NAALADL2: variants seen among roughly 807,000 people sequenced by gnomAD.
The protein encoded by NAALADL2 is inactive N-acetylated-alpha-linked acidic dipeptidase-like protein 2.
NAALADL2 carries 76 observed loss-of-function variants against 87.2 expected under a neutral mutation model. The ratio of observed to expected loss-of-function variants is 0.87; its 90% CI spans 0.72 to 1.05. NAALADL2 has a LOEUF of 1.05. NAALADL2 is among the 50% of genes least tolerant of loss of function. NAALADL2 has a pLI of 0.00. For missense variants in NAALADL2, 1,089 were observed against 945.8 expected, an observed-to-expected ratio of 1.15 and a Z score of -1.99; for synonymous variants, 354 against 331.0, an observed-to-expected ratio of 1.07 and a Z score of -0.75.
rs188500765 is a variant in NAALADL2, at chr3:174,454,047, G to C, written c.-184+13015G>C. 2.0e-4 allele frequency among the ~76,000 whole-genome samples: 31 copies of C among 152,202 alleles called. No homozygotes were observed. In the East Asian group the frequency reaches 5.6e-3, roughly 27 times the overall value. ...TGACACCCACAGGCTTAAAATAAAGGGATGGAGAGAAATCTTCAAGCAAAT... is the reference window on the plus strand; with the variant it reads ...TGACACCCACAGGCTTAAAATAAAGCGATGGAGAGAAATCTTCAAGCAAAT... On this transcript the variant is annotated intron_variant, in intron 1 of 3. Coordinates refer to the NAALADL2 transcript ENST00000434257.
At chr3:174,446,197 A>C (rs1715036930) in intron 1 of NAALADL2, among the ~76,000 whole-genome samples, 1 of 152,142 alleles carries the variant, frequency 6.6e-6, no homozygotes, top group Admixed American at 6.5e-5. Flanking sequence ...TCTGGGTATT[A>C]ATTACCAAGG....
intron 2 of NAALADL2, among the ~76,000 whole-genome samples, chr3:175,146,800 C>G (rs1730812094): frequency 6.6e-6 from 1 of 151,026 alleles, no homozygotes; most frequent in Non-Finnish European, 1.5e-5. Context: ...TAACTTTTCT[C>G]TTTTTGAAAA....
At chr3:174,793,842 G>A (rs1477811039) in intron 3 of NAALADL2, among the ~76,000 whole-genome samples, 2 of 149,918 alleles carry the variant, frequency 1.3e-5, no homozygotes, top group Non-Finnish European at 3.0e-5. Context: ...CATCACATAA[G>A]ACACTAACTG....
intron 3 of NAALADL2, among the ~76,000 whole-genome samples, chr3:174,826,070 CAACA>C (rs1325808166): frequency 6.6e-6 from 1 of 151,762 alleles, no homozygotes; most frequent in Non-Finnish European, 1.5e-5. Context: ...ACAACAACAA[CAACA>C]ATCAAACAAA....
chr3:174,963,328 G>T (rs183273775), intron 1 of NAALADL2, among the ~76,000 whole-genome samples: 3 of 152,058 alleles, frequency 2.0e-5, no homozygotes, highest in African/African-American at 7.2e-5. Context: ...CATACCTGTG[G>T]TTATTTAAAA....
intron 11 of NAALADL2, among the ~76,000 whole-genome samples, chr3:175,663,341 T>A (rs954722314): frequency 4.6e-5 from 7 of 151,854 alleles, no homozygotes; most frequent in Non-Finnish European, 4.4e-5. Context: ...CATATAATAG[T>A]CCAATTTGTT....
chr3:174,716,663 C>T (rs1472988117), intron 2 of NAALADL2, among the ~76,000 whole-genome samples: 1 of 151,788 alleles, frequency 6.6e-6, no homozygotes, highest in African/African-American at 2.4e-5. Context: ...TAGACCCTGT[C>T]TCAGTTCCAT....
intron 9 of NAALADL2, among the ~76,000 whole-genome samples, chr3:175,534,406 G>T (rs1403039050): frequency 6.6e-6 from 1 of 152,198 alleles, no homozygotes; most frequent in Non-Finnish European, 1.5e-5. Context: ...GATGTTCAAA[G>T]GCAGGAAGCA....
chr3:174,619,413 C>G (rs1720785884), intron 2 of NAALADL2, among the ~76,000 whole-genome samples: 1 of 151,910 alleles, frequency 6.6e-6, no homozygotes, highest in African/African-American at 2.4e-5. Flanking sequence ...CTGAGATCCT[C>G]TATGCCAACA....
intron 1 of NAALADL2, among the ~76,000 whole-genome samples, chr3:174,498,013 T>C (rs1482135741): frequency 6.6e-6 from 1 of 152,144 alleles, no homozygotes; most frequent in African/African-American, 2.4e-5. Context: ...ATTTCTGTTT[T>C]TTCAATTTTT....
chr3:175,764,791 G>A (rs963767998), intron 13 of NAALADL2, among the ~76,000 whole-genome samples: 1 of 152,014 alleles, frequency 6.6e-6, no homozygotes, highest in Non-Finnish European at 1.5e-5. Context: ...TACATATTCA[G>A]TACATACATA....
At chr3:175,399,886 G>A (rs1770339088) in intron 5 of NAALADL2, among the ~76,000 whole-genome samples, 1 of 152,016 alleles carries the variant, frequency 6.6e-6, no homozygotes, top group Non-Finnish European at 1.5e-5. Context: ...TGGTGTATCT[G>A]TTCATTTTCC....
chr3:174,978,174 C>T (rs1363807394), intron 1 of NAALADL2, among the ~76,000 whole-genome samples: 1 of 152,194 alleles, frequency 6.6e-6, no homozygotes, highest in African/African-American at 2.4e-5. Flanking sequence ...AGTCTGGGCT[C>T]TTAGCACTAT....
intron 2 of NAALADL2, among the ~76,000 whole-genome samples, chr3:174,569,240 A>T (rs896951644): frequency 6.6e-6 from 1 of 151,972 alleles, no homozygotes; most frequent in African/African-American, 2.4e-5. Flanking sequence ...ATCATTTTCT[A>T]TAAGAAATAA....
intron 11 of NAALADL2, among the ~76,000 whole-genome samples, chr3:175,653,643 CATGAAGTT>C (rs1731079331): frequency 6.6e-6 from 1 of 152,128 alleles, no homozygotes. Flanking sequence ...TCATAAATTC[CATGAAGTT>C]ATGCACATCA....
intron 1 of NAALADL2, among the ~76,000 whole-genome samples, chr3:174,479,512 A>G (rs567027851): frequency 6.6e-6 from 1 of 152,230 alleles, no homozygotes; most frequent in African/African-American, 2.4e-5. Context: ...CCTCTTATCC[A>G]TTATGCACAA....
At chr3:175,206,426 G>C (rs1051753335) in intron 2 of NAALADL2, among the ~76,000 whole-genome samples, 5 of 151,410 alleles carry the variant, frequency 3.3e-5, no homozygotes, top group African/African-American at 1.2e-4. Flanking sequence ...ACCTGGATGA[G>C]ACTGAAGGCT....
At chr3:175,201,937 A>T (rs1004747374) in intron 2 of NAALADL2, among the ~76,000 whole-genome samples, 2 of 152,194 alleles carry the variant, frequency 1.3e-5, no homozygotes, top group Non-Finnish European at 2.9e-5. Flanking sequence ...GATTTTATCA[A>T]TGTATTTCTT....
At chr3:175,308,129 AT>A (rs529708377) in intron 4 of NAALADL2, among the ~76,000 whole-genome samples, 8 of 152,094 alleles carry the variant, frequency 5.3e-5, no homozygotes, top group East Asian at 1.9e-4. Flanking sequence ...AGAGAAAACC[AT>A]TTTTTTTATG....
Sources: allele counts gnomAD v4.1 joint callset (sites outside exome capture counted in the v4.1 genomes callset), GRCh38; gene constraint gnomAD v4.1.1; transcripts MANE v1.5; gene names NCBI Gene and HGNC (gene_info 2026-07-23, HGNC 2026-07-21).